CNTNAP2: variants seen among roughly 807,000 people sequenced by gnomAD.
The protein encoded by CNTNAP2 is contactin-associated protein-like 2.
In CNTNAP2, 98 loss-of-function variants were observed where a neutral mutation model predicts 155.2. The ratio of observed to expected loss-of-function variants is 0.63; its 90% CI spans 0.54 to 0.75. The LOEUF (loss-of-function observed/expected upper bound fraction) is 0.75, where lower values mean the gene tolerates loss of function less well. Among genes scored for constraint, CNTNAP2 ranks in the 30% least tolerant of loss-of-function variants. The pLI, the probability that CNTNAP2 is intolerant of heterozygous loss-of-function variation, is 0.00. For synonymous variants in CNTNAP2, 651 were observed against 631.2 expected (o/e 1.03, Z -0.47); for missense variants, 1,727 against 1,688.1 (o/e 1.02, Z -0.40).
At chr7:147,313,809 G>A (rs1286521330) in intron 9 of CNTNAP2, among the ~76,000 whole-genome samples, 1 of 151,838 alleles carries the variant, frequency 6.6e-6, no homozygotes, top group Non-Finnish European at 1.5e-5. Context: ...GAAAGTCATT[G>A]GTAGCTTGAT....
chr7:147,428,683 C>G (rs1797420188), intron 10 of CNTNAP2, among the ~76,000 whole-genome samples: 1 of 152,140 alleles, frequency 6.6e-6, no homozygotes. Flanking sequence ...AAAACAGATT[C>G]ATGCTTTAGA....
chr7:146,794,504 A>T (rs1378346663), intron 2 of CNTNAP2, among the ~76,000 whole-genome samples: 1 of 152,194 alleles, frequency 6.6e-6, no homozygotes, highest in Non-Finnish European at 1.5e-5. Context: ...AAATAACATG[A>T]CCCTAAAGGA....
intron 8 of CNTNAP2, among the ~76,000 whole-genome samples, chr7:147,192,915 T>G (rs1802710230): frequency 6.6e-6 from 1 of 152,170 alleles, no homozygotes; most frequent in African/African-American, 2.4e-5. Context: ...ACTTACTGGT[T>G]TTACCCCAGA....
chr7:146,788,881 T>A (rs190929776), intron 2 of CNTNAP2, among the ~76,000 whole-genome samples: 1 of 152,184 alleles, frequency 6.6e-6, no homozygotes, highest in African/African-American at 2.4e-5. Flanking sequence ...TCAGAACTTA[T>A]AATGAAGTAT....
At chr7:146,395,005 T>C (rs1795599469) in intron 1 of CNTNAP2, among the ~76,000 whole-genome samples, 1 of 152,202 alleles carries the variant, frequency 6.6e-6, no homozygotes, top group African/African-American at 2.4e-5. Flanking sequence ...ACTTTATATT[T>C]TTGAGCTAGT....
At chr7:147,421,357 G>A (rs756077672) in intron 10 of CNTNAP2, among the ~76,000 whole-genome samples, 4 of 151,916 alleles carry the variant, frequency 2.6e-5, no homozygotes, top group Admixed American at 6.6e-5. Flanking sequence ...ATTAATAGAT[G>A]GTAGACATTG....
chr7:146,971,216 AAGTT>A (rs1176727653), intron 3 of CNTNAP2, among the ~76,000 whole-genome samples: 2 of 148,778 alleles, frequency 1.3e-5, no homozygotes, highest in Non-Finnish European at 2.9e-5. Flanking sequence ...ATTAAAAAAA[AAGTT>A]AATACTAAAG....
At chr7:147,209,688 T>C (rs756171678) in intron 8 of CNTNAP2, among the ~76,000 whole-genome samples, 9 of 152,050 alleles carry the variant, frequency 5.9e-5, no homozygotes, top group Non-Finnish European at 1.2e-4. Flanking sequence ...TGCTTTCAAC[T>C]TTTTCCCATG....
chr7:147,295,963 T>C (rs1433131704), intron 8 of CNTNAP2, among the ~76,000 whole-genome samples: 1 of 152,180 alleles, frequency 6.6e-6, no homozygotes, highest in South Asian at 2.1e-4. Context: ...AACCTTTTAA[T>C]TTTAATCTGA....
At chr7:147,575,663 G>C (rs1239285803) in intron 12 of CNTNAP2, among the ~76,000 whole-genome samples, 1 of 151,818 alleles carries the variant, frequency 6.6e-6, no homozygotes, top group Non-Finnish European at 1.5e-5. Flanking sequence ...GTAATTTAAT[G>C]TCATAAAACC....
Position 146,668,433 on chromosome 7 carries a change from T to TGTGTGTGTGG in CNTNAP2, c.98-105829_98-105828insGGTGTGTGTG, listed in dbSNP as rs1554465241. ...GGTATTGGCCTGTAATTTTCCTGTG[T>TGTGTGTGTGG]GTGTGTGTGTGTGTGTGTGTGTGTG... On this transcript the variant is annotated intron_variant, in intron 1 of 23. Coordinates refer to ENST00000361727, the MANE Select transcript of CNTNAP2 (RefSeq NM_014141.6). Among the ~76,000 whole-genome samples, 36 of 52,894 alleles carry TGTGTGTGTGG rather than the reference T, an allele frequency of 6.8e-4. No homozygotes were observed. In the East Asian group the frequency reaches 0.011, roughly 16 times the overall value. 34.7% of individuals were successfully genotyped at this position (52,894 alleles called of 152,430 possible).
chr7:146,419,999 A>G (rs977414512), intron 1 of CNTNAP2, among the ~76,000 whole-genome samples: 1 of 152,066 alleles, frequency 6.6e-6, no homozygotes. Flanking sequence ...CTTTCCATAT[A>G]AAAAAAGGAA....
chr7:147,000,309 T>A (rs1258987965), intron 3 of CNTNAP2, among the ~76,000 whole-genome samples: 1 of 152,084 alleles, frequency 6.6e-6, no homozygotes, highest in African/African-American at 2.4e-5. Context: ...TTTTTTGACA[T>A]TTGTTGAGCT....
chr7:147,595,312 C>A (rs1348606683), intron 12 of CNTNAP2, among the ~76,000 whole-genome samples: 1 of 152,158 alleles, frequency 6.6e-6, no homozygotes, highest in Admixed American at 6.5e-5. Context: ...TGTTTATCAT[C>A]CCTTAACCTT....
chr7:146,245,052 C>G (rs1799623086), intron 1 of CNTNAP2, among the ~76,000 whole-genome samples: 1 of 152,122 alleles, frequency 6.6e-6, no homozygotes, highest in South Asian at 2.1e-4. Context: ...ATGAGAGCTT[C>G]TAAGAGGCGG....
chr7:146,643,431 G>A (rs1487866054), intron 1 of CNTNAP2, among the ~76,000 whole-genome samples: 1 of 152,070 alleles, frequency 6.6e-6, no homozygotes, highest in African/African-American at 2.4e-5. Flanking sequence ...TTTCCCCATT[G>A]TTTGTTTTTC....
intron 13 of CNTNAP2, among the ~76,000 whole-genome samples, chr7:147,644,440 G>A (rs760844617): frequency 6.6e-6 from 1 of 152,136 alleles, no homozygotes; most frequent in Non-Finnish European, 1.5e-5. Context: ...GGCCAACATG[G>A]TGAAAACCCG....
intron 1 of CNTNAP2, among the ~76,000 whole-genome samples, chr7:146,558,336 A>T (rs1053515764): frequency 2.0e-5 from 3 of 152,196 alleles, no homozygotes; most frequent in African/African-American, 7.2e-5. Context: ...CTGCATGATG[A>T]TAATGAAAAT....
intron 3 of CNTNAP2, among the ~76,000 whole-genome samples, chr7:146,912,575 A>C (rs912263556): frequency 6.6e-6 from 1 of 152,134 alleles, no homozygotes; most frequent in African/African-American, 2.4e-5. Context: ...TTATATTCAA[A>C]TACCTGTAGT....
Sources: allele counts gnomAD v4.1 joint callset (sites outside exome capture counted in the v4.1 genomes callset), GRCh38; gene constraint gnomAD v4.1.1; transcripts MANE v1.5; gene names NCBI Gene and HGNC (gene_info 2026-07-23, HGNC 2026-07-21).